FTO: variants seen among roughly 807,000 people sequenced by gnomAD.
The protein encoded by FTO is alpha-ketoglutarate-dependent dioxygenase FTO.
FTO carries 47 observed loss-of-function variants against 63.9 expected under a neutral mutation model. That is an observed-to-expected ratio of 0.74 (90% CI 0.58 to 0.94). The LOEUF is 0.94. Among genes scored for constraint, FTO ranks in the 40% least tolerant of loss-of-function variants. The pLI is 0.00. For missense variants in FTO, 562 were observed against 618.1 expected (o/e 0.91, Z 0.96); for synonymous variants, 207 against 224.4 (o/e 0.92, Z 0.69).
At chr16:53,958,716 G>A (rs191591081) in intron 8 of FTO, among the ~76,000 whole-genome samples, 3 of 152,172 alleles carry the variant, frequency 2.0e-5, no homozygotes, top group Admixed American at 6.5e-5. Context: ...GAAAGCTGCC[G>A]AAGCCAAAGT....
rs191156829 is a variant in FTO at position 53,917,259 on chromosome 16, G to A, written c.1240-16726G>A. On this transcript the variant is annotated intron_variant, in intron 7 of 8. Transcript: ENST00000471389. ...GGAATACATGAGATGCTGCATTCCT[G>A]CCTCACAGAAAGTTCCTTATAGTTT... is the stretch of plus-strand genomic sequence containing the variant. Among the ~76,000 whole-genome samples, 4 of 152,258 alleles carry A rather than the reference G, an allele frequency of 2.6e-5. No individual in the cohort carries two copies. The East Asian group carries it at 5.8e-4, about 22-fold the overall frequency.
At chr16:53,809,157 G>C (rs1223560169) in intron 1 of FTO, among the ~76,000 whole-genome samples, 2 of 152,180 alleles carry the variant, frequency 1.3e-5, no homozygotes, top group Admixed American at 6.5e-5. Flanking sequence ...GCACAGTACT[G>C]TTTGGGGAAA....
intron 8 of FTO, among the ~76,000 whole-genome samples, chr16:54,011,630 G>A (rs908774208): frequency 6.6e-6 from 1 of 152,100 alleles, no homozygotes; most frequent in African/African-American, 2.4e-5. Flanking sequence ...TCAACAACAT[G>A]TGCTCACTTC....
intron 7 of FTO, among the ~76,000 whole-genome samples, chr16:53,902,509 G>A (rs886303227): frequency 6.6e-6 from 1 of 152,186 alleles, no homozygotes; most frequent in Non-Finnish European, 1.5e-5. Context: ...AGCAAAATAA[G>A]ATAAACTGAG....
intron 8 of FTO, among the ~76,000 whole-genome samples, chr16:54,015,632 C>T (rs541126512): frequency 4.2e-4 from 64 of 152,162 alleles, no homozygotes; most frequent in Non-Finnish European, 8.4e-4. Context: ...TTCAACTTAA[C>T]CAATAACATG....
chr16:53,852,985 G>A (rs901015148), intron 4 of FTO, among the ~76,000 whole-genome samples: 1 of 152,114 alleles, frequency 6.6e-6, no homozygotes, highest in African/African-American at 2.4e-5. Context: ...GGACACCTTT[G>A]CCAATTCCAT....
intron 8 of FTO, among the ~76,000 whole-genome samples, chr16:54,098,725 C>A (rs1364452322): frequency 6.6e-6 from 1 of 152,146 alleles, no homozygotes; most frequent in African/African-American, 2.4e-5. Flanking sequence ...CCGCTTCCTG[C>A]AGATTGTGAA....
chr16:53,938,990 C>T (rs895171531), intron 8 of FTO, among the ~76,000 whole-genome samples: 9 of 151,680 alleles, frequency 5.9e-5, no homozygotes, highest in African/African-American at 1.5e-4. Context: ...CCCAGCTACT[C>T]GGAAGGCTGA....
intron 8 of FTO, among the ~76,000 whole-genome samples, chr16:54,077,111 A>T (rs2086016083): frequency 6.6e-6 from 1 of 152,234 alleles, no homozygotes; most frequent in African/African-American, 2.4e-5. Flanking sequence ...AAGAAATCTT[A>T]AAAATCATGG....
intron 3 of FTO, among the ~76,000 whole-genome samples, chr16:53,834,349 G>A (rs2079231044): frequency 6.6e-6 from 1 of 152,136 alleles, no homozygotes. Flanking sequence ...ATATTAATGT[G>A]ATGAGCACGG....
intron 7 of FTO, among the ~76,000 whole-genome samples, chr16:53,892,456 T>G (rs1203535163): frequency 6.6e-6 from 1 of 152,186 alleles, no homozygotes; most frequent in East Asian, 1.9e-4. Context: ...GTACAGTGTT[T>G]GGTGCACATT....
At chr16:53,710,300 C>T (rs1264032799) in intron 1 of FTO, among the ~76,000 whole-genome samples, 1 of 143,402 alleles carries the variant, frequency 7.0e-6, no homozygotes, top group Non-Finnish European at 1.5e-5. Flanking sequence ...AAGTCTCGCT[C>T]TGTTGCCCAG....
rs553419698 is a variant in FTO, at chr16:53,826,391, G to A, written c.651G>A (p.Glu217=). Residue 217 remains glutamate (E), a synonymous_variant, in exon 3 of 9, where the codon GAG becomes GAA. Transcript: ENST00000471389. ...CTCAGAAAATGCCATACCTGAAAGA[G>A]GAACCTTATTTTGGCATGGGGAAAA... is the stretch of plus-strand genomic sequence containing the variant. ...MDPQKMPYLK[E]EPYFGMGKMA... is the part of the protein sequence containing the mutation. The A allele has an allele frequency of 1.2e-5, 19 of 1,614,146 alleles. No individual in the cohort carries two copies. Among genetic ancestry groups the A allele is most frequent in the Non-Finnish European group, 1.6e-5 (19 of 1,180,016 alleles).
chr16:54,025,463 C>T (rs13336769), intron 8 of FTO, among the ~76,000 whole-genome samples: 33,873 of 152,134 alleles, frequency 0.22, 4,345 homozygotes, highest in East Asian at 0.44. Context: ...TGGCTCACAC[C>T]TATAATCCCA....
At chr16:53,768,488 G>A (rs1050387379) in intron 1 of FTO, among the ~76,000 whole-genome samples, 3 of 152,186 alleles carry the variant, frequency 2.0e-5, no homozygotes, top group African/African-American at 7.2e-5. Flanking sequence ...TGAGGTAGGG[G>A]ATGGAATAGA....
At chr16:54,090,337 C>G (rs2086355505) in intron 8 of FTO, among the ~76,000 whole-genome samples, 1 of 152,048 alleles carries the variant, frequency 6.6e-6, no homozygotes, top group Admixed American at 6.6e-5. Flanking sequence ...TAGGCAGATC[C>G]ATGGAGACAA....
intron 8 of FTO, chr16:53,984,794 C>A (rs971649846): frequency 2.3e-5 from 9 of 384,502 alleles, no homozygotes; most frequent in Non-Finnish European, 1.0e-5. Flanking sequence ...TTGACTAAGT[C>A]AGTGATATTG....
At position 53,943,508 on chromosome 16, in the gene FTO, T is replaced by C. The variant is rs115497671; in HGVS notation, c.1364+9399T>C. ...ATTTATTTATCCAACATACATTTAT[T>C]AAGTGTCTATTGTTTTCTAAGCACT... On this transcript the variant is annotated intron_variant, in intron 8 of 8. Transcript: ENST00000471389. Among the ~76,000 whole-genome samples, 562 of 152,346 alleles carry C rather than the reference T, an allele frequency of 3.7e-3. 2 individuals carry two copies. The highest frequency in any genetic ancestry group is 0.012 in the African/African-American group (506 of 41,578).
rs773635184 is a variant in FTO, at chr16:53,825,987, G to A, written c.247G>A (p.Val83Ile). 4.3e-6 allele frequency: 7 copies of A among 1,614,010 alleles called. No homozygotes were observed. The highest frequency in any genetic ancestry group is 3.3e-5 in the South Asian group (3 of 91,088). ...GCATGGCTGCTTATTTCGGGACCTG[G>A]TTAGGATCCAAGGCAAAGATCTGCT... ...HKHGCLFRDL[V>I]RIQGKDLLTP... Residue 83 changes from valine (V) to isoleucine (I), a missense_variant, in exon 3 of 9, where the codon GTT becomes ATT. By Grantham distance (29) the Val-to-Ile change is conservative. Transcript: ENST00000471389.
Sources: gnomAD v4.1 joint callset for allele counts (sites outside exome capture counted in the v4.1 genomes callset) on GRCh38, gnomAD v4.1.1 for gene constraint, MANE v1.5 for transcripts, NCBI Gene and HGNC (gene_info 2026-07-23, HGNC 2026-07-21) for gene names.